Variants in KIAA0825 observed in about 807,000 individuals in gnomAD.
KIAA0825 encodes uncharacterized protein KIAA0825.
Under a neutral mutation model 147.6 loss-of-function variants are expected in KIAA0825, and 119 were observed. The observed-to-expected ratio is 0.81, with a 90% CI of 0.69 to 0.94. KIAA0825 has a LOEUF of 0.94. Ranked by LOEUF, KIAA0825 falls within the 40% of genes least tolerant of loss-of-function variation. The pLI is 0.00. For synonymous variants in KIAA0825, 470 were observed against 518.1 expected (o/e 0.91, Z 1.26); for missense variants, 1,381 against 1,472.7 (o/e 0.94, Z 1.02).
At chr5:94,439,060 G>A (rs1297607888) in intron 14 of KIAA0825, among the ~76,000 whole-genome samples, 2 of 152,200 alleles carry the variant, frequency 1.3e-5, no homozygotes, top group Non-Finnish European at 2.9e-5. Context: ...GTGAGCCAAG[G>A]TGTGGAGTGA....
At chr5:94,251,544 C>T (rs1583965297) in intron 20 of KIAA0825, among the ~76,000 whole-genome samples, 1 of 152,034 alleles carries the variant, frequency 6.6e-6, no homozygotes, top group East Asian at 1.9e-4. Context: ...AGGAAAGAAG[C>T]AAACAACTTA....
intron 20 of KIAA0825, among the ~76,000 whole-genome samples, chr5:94,260,286 A>C (rs936275783): frequency 2.0e-5 from 3 of 152,202 alleles, no homozygotes; most frequent in Non-Finnish European, 2.9e-5. Context: ...TCAATTTTAC[A>C]GTAATAGATT....
At chr5:94,221,530 G>A (rs555156279) in intron 20 of KIAA0825, among the ~76,000 whole-genome samples, 1 of 152,252 alleles carries the variant, frequency 6.6e-6, no homozygotes, top group East Asian at 1.9e-4. Context: ...ACAGGAACCT[G>A]CTCCAAGAGG....
intron 10 of KIAA0825, among the ~76,000 whole-genome samples, chr5:94,469,152 A>G (rs1760907225): frequency 6.6e-6 from 1 of 152,042 alleles, no homozygotes; most frequent in African/African-American, 2.4e-5. Context: ...TAGGTAAACT[A>G]TAACTGATCA....
chr5:94,231,691 G>A (rs983435507), intron 20 of KIAA0825, among the ~76,000 whole-genome samples: 27 of 151,996 alleles, frequency 1.8e-4, no homozygotes, highest in African/African-American at 6.3e-4. Context: ...TAATCATTAC[G>A]TATCTGGATG....
At chr5:94,579,086 T>TAATTTTTGGC (rs1327370885) in intron 2 of KIAA0825, among the ~76,000 whole-genome samples, 1 of 152,102 alleles carries the variant, frequency 6.6e-6, no homozygotes, top group Non-Finnish European at 1.5e-5. Flanking sequence ...CACACCCGGC[T>TAATTTTTGGC]AATTTTTGTA....
chr5:94,527,874 A>G (rs1769662964), intron 3 of KIAA0825, among the ~76,000 whole-genome samples: 1 of 152,060 alleles, frequency 6.6e-6, no homozygotes, highest in African/African-American at 2.4e-5. Context: ...GGGCTGATGT[A>G]TACAAACTAG....
In KIAA0825 at chr5:94,471,722, C is replaced by T; in HGVS notation, c.1465G>A (p.Asp489Asn). 1 of 1,552,188 alleles carries T rather than the reference C, an allele frequency of 6.4e-7. No homozygotes were observed. Among genetic ancestry groups the T allele is most frequent in the Non-Finnish European group, 8.7e-7 (1 of 1,147,100 alleles). The change falls in exon 9 of 21, where the codon GAC (aspartate) becomes AAC (asparagine). Residue 489 changes from aspartate to asparagine, a missense_variant. By Grantham distance (23) the Asp-to-Asn change is conservative. Coordinates refer to ENST00000682413, the MANE Select transcript of KIAA0825 (RefSeq NM_001145678.3). ...ATTGTGTCAAGTTTTTCCATGATGT[C>T]AGAACAAAACTAGGGAGAAATAAAT... ...QPKKIGKFCS[D>N]IMEKLDTMLP...
chr5:94,379,822 C>T (rs1172316302), intron 20 of KIAA0825, among the ~76,000 whole-genome samples: 1 of 136,938 alleles, frequency 7.3e-6, no homozygotes, highest in East Asian at 2.1e-4. Flanking sequence ...CCCTGGTTAG[C>T]TGTATTCCTA....
chr5:94,410,309 A>C (rs938456920), intron 15 of KIAA0825, among the ~76,000 whole-genome samples: 1 of 152,150 alleles, frequency 6.6e-6, no homozygotes, highest in Non-Finnish European at 1.5e-5. Flanking sequence ...ACAAGGAAGA[A>C]GAATACAGCC....
chr5:94,367,930 G>T (rs1554265028), intron 20 of KIAA0825, among the ~76,000 whole-genome samples: 1 of 152,206 alleles, frequency 6.6e-6, no homozygotes, highest in African/African-American at 2.4e-5. Context: ...CAGGAATAGA[G>T]AAATGATTAG....
intron 2 of KIAA0825, among the ~76,000 whole-genome samples, chr5:94,577,495 A>T (rs1336532560): frequency 6.6e-6 from 1 of 152,222 alleles, no homozygotes; most frequent in Non-Finnish European, 1.5e-5. Context: ...CTTGCTAAAA[A>T]TTCAGATACC....
At chr5:94,437,452 G>A (rs1672053952) in intron 14 of KIAA0825, among the ~76,000 whole-genome samples, 1 of 152,118 alleles carries the variant, frequency 6.6e-6, no homozygotes, top group Admixed American at 6.6e-5. Context: ...AAAATGATGG[G>A]TGTTTGAGCA....
intron 13 of KIAA0825, among the ~76,000 whole-genome samples, chr5:94,449,560 T>A (rs1410595514): frequency 6.6e-6 from 1 of 152,040 alleles, no homozygotes; most frequent in East Asian, 1.9e-4. Context: ...ACTCCCTGCA[T>A]GAAGGACAAG....
At chr5:94,292,507 G>A (rs1777943485) in intron 20 of KIAA0825, among the ~76,000 whole-genome samples, 1 of 152,058 alleles carries the variant, frequency 6.6e-6, no homozygotes, top group African/African-American at 2.4e-5. Flanking sequence ...GATTCAGTTT[G>A]CAAGTATTTT....
At chr5:94,594,581 G>T in intron 1 of KIAA0825, 1 of 710,696 alleles carries the variant, frequency 1.4e-6, no homozygotes. Flanking sequence ...GAGCTGAAAG[G>T]ATTGCTTTGG....
intron 20 of KIAA0825, among the ~76,000 whole-genome samples, chr5:94,377,820 C>T (rs991437765): frequency 1.3e-5 from 2 of 152,158 alleles, no homozygotes; most frequent in African/African-American, 2.4e-5. Context: ...TCAAATCCCT[C>T]AAAATAATCA....
At chr5:94,217,710 G>GT (rs1041968633) in intron 20 of KIAA0825, among the ~76,000 whole-genome samples, 6 of 152,182 alleles carry the variant, frequency 3.9e-5, no homozygotes, top group Middle Eastern at 6.8e-3. Context: ...AGATATCAGT[G>GT]TTTTTTTAAA....
intron 2 of KIAA0825, among the ~76,000 whole-genome samples, chr5:94,581,603 G>T (rs1330438061): frequency 6.6e-6 from 1 of 152,200 alleles, no homozygotes; most frequent in Non-Finnish European, 1.5e-5. Context: ...TAGCATGTCA[G>T]CCTTTGCTTT....
Sources: allele counts gnomAD v4.1 joint callset (sites outside exome capture counted in the v4.1 genomes callset), GRCh38; gene constraint gnomAD v4.1.1; transcripts MANE v1.5; gene names NCBI Gene and HGNC (gene_info 2026-07-23, HGNC 2026-07-21).